Variants in GRIK1 observed in about 807,000 individuals in gnomAD.
GRIK1 encodes the protein glutamate receptor ionotropic, kainate 1.
Under a neutral mutation model 105.7 loss-of-function variants are expected in GRIK1, and 69 were observed. The observed-to-expected ratio is 0.65, with a 90% confidence interval of 0.54 to 0.80. GRIK1 has a LOEUF of 0.80. Ranked by LOEUF, GRIK1 falls within the 30% of genes least tolerant of loss-of-function variation. GRIK1 has a pLI of 0.00. For missense variants in GRIK1, 1,109 were observed against 1,167.3 expected (o/e 0.95, Z 0.73); for synonymous variants, 438 against 431.3 (o/e 1.02, Z -0.19).
chr21:29,749,221 T>G (rs1569044933), intron 1 of GRIK1: 1 of 152,228 alleles, frequency 6.6e-6, no homozygotes, highest in Non-Finnish European at 1.5e-5. Context: ...GGGAAAAAGT[T>G]AGCCTTAACT....
At chr21:29,828,780 T>C (rs1408948474) in intron 1 of GRIK1, among the ~76,000 whole-genome samples, 4 of 152,172 alleles carry the variant, frequency 2.6e-5, no homozygotes, top group African/African-American at 7.2e-5. Flanking sequence ...ATTTCAGGAA[T>C]GAGGCATCAC....
At chr21:29,799,026 C>A (rs1337068970) in intron 1 of GRIK1, among the ~76,000 whole-genome samples, 1 of 152,146 alleles carries the variant, frequency 6.6e-6, no homozygotes, top group African/African-American at 2.4e-5. Context: ...TCAGAGAACA[C>A]CTGAGAACTG....
chr21:29,711,060 A>C (rs1197209756), intron 1 of GRIK1, among the ~76,000 whole-genome samples: 1 of 151,978 alleles, frequency 6.6e-6, no homozygotes, highest in Non-Finnish European at 1.5e-5. Context: ...TATATTTCTA[A>C]CTACTTGAAT....
At chr21:29,657,674 G>C (rs1439728549) in intron 4 of GRIK1, 2 of 152,178 alleles carry the variant, frequency 1.3e-5, no homozygotes, top group Non-Finnish European at 2.9e-5. Flanking sequence ...CACTCACCCA[G>C]GTGAATGAAA....
At chr21:29,729,793 T>C (rs1035018139) in intron 1 of GRIK1, among the ~76,000 whole-genome samples, 1 of 152,210 alleles carries the variant, frequency 6.6e-6, no homozygotes, top group Admixed American at 6.5e-5. Context: ...TGTAAGAGGG[T>C]GGATCTGTAT....
intron 1 of GRIK1, among the ~76,000 whole-genome samples, chr21:29,837,304 T>C (rs1406385911): frequency 2.0e-5 from 3 of 152,164 alleles, no homozygotes; most frequent in Non-Finnish European, 2.9e-5. Flanking sequence ...CAAGTGTTTA[T>C]TGAGTAAAAG....
chr21:29,673,853 A>C (rs1475702696), intron 3 of GRIK1, among the ~76,000 whole-genome samples: 1 of 152,214 alleles, frequency 6.6e-6, no homozygotes, highest in African/African-American at 2.4e-5. Flanking sequence ...GCAACAAAAC[A>C]TATACGTCCA....
intron 1 of GRIK1, among the ~76,000 whole-genome samples, chr21:29,812,207 C>T (rs916665807): frequency 1.3e-5 from 2 of 152,084 alleles, no homozygotes; most frequent in African/African-American, 2.4e-5. Flanking sequence ...CTACTGTAAC[C>T]TCAATCTCTG....
intron 1 of GRIK1, among the ~76,000 whole-genome samples, chr21:29,759,839 C>T (rs2065462328): frequency 6.6e-6 from 1 of 152,210 alleles, no homozygotes; most frequent in Admixed American, 6.5e-5. Context: ...GTGATAGATG[C>T]TAAGATTGGT....
At chr21:29,635,029 T>G (rs1027245364) in intron 7 of GRIK1, among the ~76,000 whole-genome samples, 1 of 152,102 alleles carries the variant, frequency 6.6e-6, no homozygotes, top group African/African-American at 2.4e-5. Context: ...ATTTTAACAG[T>G]CCAGGTGAAA....
At chr21:29,887,919 A>G (rs2069697065) in intron 1 of GRIK1, among the ~76,000 whole-genome samples, 1 of 152,026 alleles carries the variant, frequency 6.6e-6, no homozygotes, top group Admixed American at 6.6e-5. Flanking sequence ...TGCTTTCCCA[A>G]ACAAAATCAG....
At chr21:29,580,992 G>A (rs1292003473) in intron 13 of GRIK1, among the ~76,000 whole-genome samples, 1 of 152,146 alleles carries the variant, frequency 6.6e-6, no homozygotes, top group African/African-American at 2.4e-5. Flanking sequence ...GTTTGCCAGA[G>A]TAGTAATTAG....
intron 14 of GRIK1, among the ~76,000 whole-genome samples, chr21:29,576,188 T>C (rs2090889750): frequency 6.6e-6 from 1 of 152,192 alleles, no homozygotes; most frequent in Non-Finnish European, 1.5e-5. Context: ...TTGGATCTAT[T>C]AAAATCTATT....
At chr21:29,701,302 G>A (rs1234603237) in intron 1 of GRIK1, among the ~76,000 whole-genome samples, 5 of 152,188 alleles carry the variant, frequency 3.3e-5, no homozygotes, top group Non-Finnish European at 7.4e-5. Context: ...TGAGAGGTGA[G>A]AAAAGTGCTT....
At chr21:29,824,358 A>G (rs2067387305) in intron 1 of GRIK1, among the ~76,000 whole-genome samples, 1 of 151,978 alleles carries the variant, frequency 6.6e-6, no homozygotes, top group African/African-American at 2.4e-5. Flanking sequence ...TTCAGGGGTT[A>G]TCATAGTATA....
chr21:29,750,776 G>T (rs965462786), intron 1 of GRIK1, among the ~76,000 whole-genome samples: 1 of 152,124 alleles, frequency 6.6e-6, no homozygotes, highest in African/African-American at 2.4e-5. Context: ...AAATAAGAGA[G>T]GTTTGATATA....
chr21:29,537,524 C>T, intron 17 of GRIK1, 139 bp from the exon 18 acceptor site: 1 of 701,734 alleles, frequency 1.4e-6, no homozygotes, highest in South Asian at 1.9e-5. Context: ...TTCCCATCAC[C>T]TCCTCCTCCA....
chr21:29,698,591 A>T (rs2063755269), intron 1 of GRIK1, among the ~76,000 whole-genome samples: 1 of 151,606 alleles, frequency 6.6e-6, no homozygotes, highest in Non-Finnish European at 1.5e-5. Context: ...CATGAGAAGT[A>T]TTGTTAAACT....
At chr21:29,821,842 T>C (rs2067315343) in intron 1 of GRIK1, among the ~76,000 whole-genome samples, 1 of 152,076 alleles carries the variant, frequency 6.6e-6, no homozygotes, top group South Asian at 2.1e-4. Flanking sequence ...ATCTATTTTA[T>C]CATACATTTT....
Sources: allele counts gnomAD v4.1 joint callset (sites outside exome capture counted in the v4.1 genomes callset), GRCh38; gene constraint gnomAD v4.1.1; transcripts MANE v1.5; gene names NCBI Gene and HGNC (gene_info 2026-07-23, HGNC 2026-07-21).